PCDH9: variants seen among roughly 807,000 people sequenced by gnomAD.
PCDH9 encodes the protein protocadherin 9.
PCDH9 carries 24 observed loss-of-function variants against 70.6 expected under a neutral mutation model. That is an observed-to-expected ratio of 0.34 (90% CI 0.25 to 0.48). The LOEUF is 0.48. PCDH9 is among the 20% of genes least tolerant of loss of function. The pLI is 0.99. For synonymous variants in PCDH9, 562 were observed against 558.5 expected (o/e 1.01, Z -0.09); for missense variants, 1,281 against 1,503.6 (o/e 0.85, Z 2.45).
At chr13:67,034,107 CCTGAGTAG>C (rs1482685740) in intron 2 of PCDH9, among the ~76,000 whole-genome samples, 1 of 152,092 alleles carries the variant, frequency 6.6e-6, no homozygotes, top group Non-Finnish European at 1.5e-5. Flanking sequence ...GCCTCAGCCT[CCTGAGTAG>C]CTGGGATTAC....
At chr13:66,595,010 A>G (rs1322291564) in intron 4 of PCDH9, among the ~76,000 whole-genome samples, 3 of 151,228 alleles carry the variant, frequency 2.0e-5, no homozygotes, top group African/African-American at 7.3e-5. Context: ...AAAAAAACTT[A>G]AAATCCTAAG....
At chr13:66,942,242 T>C (rs1217217468) in intron 2 of PCDH9, among the ~76,000 whole-genome samples, 2 of 151,836 alleles carry the variant, frequency 1.3e-5, no homozygotes, top group East Asian at 3.8e-4. Flanking sequence ...AGGGCATAGT[T>C]TCTTCCTCAA....
chr13:66,832,019 T>A (rs1239037218), intron 3 of PCDH9, among the ~76,000 whole-genome samples: 1 of 152,250 alleles, frequency 6.6e-6, no homozygotes, highest in Non-Finnish European at 1.5e-5. Flanking sequence ...TGTGCCTGTA[T>A]TGGGTACAGA....
At chr13:66,719,768 T>C (rs2078917187) in intron 3 of PCDH9, among the ~76,000 whole-genome samples, 1 of 152,234 alleles carries the variant, frequency 6.6e-6, no homozygotes, top group Non-Finnish European at 1.5e-5. Context: ...TTTCTTTAAA[T>C]AACTACAGTT....
At chr13:66,844,493 G>A (rs1207754318) in intron 3 of PCDH9, among the ~76,000 whole-genome samples, 2 of 151,594 alleles carry the variant, frequency 1.3e-5, no homozygotes, top group East Asian at 2.0e-4. Flanking sequence ...TGTGAGGCAG[G>A]AGAATCATTT....
chr13:66,824,104 G>C (rs954631689), intron 3 of PCDH9, among the ~76,000 whole-genome samples: 16 of 151,464 alleles, frequency 1.1e-4, no homozygotes, highest in Admixed American at 2.6e-4. Context: ...TCAATAAAGA[G>C]CATTTTAAAA....
intron 2 of PCDH9, among the ~76,000 whole-genome samples, chr13:66,977,843 C>T (rs752091399): frequency 1.3e-5 from 2 of 152,084 alleles, no homozygotes; most frequent in African/African-American, 2.4e-5. Flanking sequence ...AGTGGAAATG[C>T]TCTATCCCAC....
chr13:66,699,573 C>T (rs1176700031), intron 3 of PCDH9, among the ~76,000 whole-genome samples: 6 of 152,020 alleles, frequency 3.9e-5, no homozygotes, highest in Admixed American at 3.9e-4. Context: ...TAGAGTGATG[C>T]CACCACAATC....
chr13:66,333,110 T>G (rs763330696), intron 4 of PCDH9, among the ~76,000 whole-genome samples: 62 of 152,242 alleles, frequency 4.1e-4, no homozygotes, highest in Non-Finnish European at 5.3e-4. Flanking sequence ...AAGGAAGACT[T>G]TCTTACTAGC....
In PCDH9 at chr13:66,700,829, TC is replaced by T. The variant is rs569429017; in HGVS notation, c.3139-69419del. Among the ~76,000 whole-genome samples the T allele has an allele frequency of 3.4e-3, 504 of 150,272 alleles. 1 individual carries two copies. Among genetic ancestry groups the T allele is most frequent in the African/African-American group, 0.011 (460 of 40,970 alleles). On this transcript the variant is annotated intron_variant, in intron 3 of 4. Transcript: ENST00000377865. ...GTAAAATGAAAATAATTCTCATACA[TC>T]TAGAAGCTATTTTCTTTCCTTTTAT... is the stretch of plus-strand genomic sequence containing the variant.
chr13:66,663,636 A>G (rs1424197632), intron 3 of PCDH9, among the ~76,000 whole-genome samples: 1 of 152,234 alleles, frequency 6.6e-6, no homozygotes, highest in Non-Finnish European at 1.5e-5. Context: ...TTACTACTGT[A>G]TCTCCTGACA....
At chr13:66,336,689 T>A (rs1006842377) in intron 4 of PCDH9, among the ~76,000 whole-genome samples, 1 of 152,040 alleles carries the variant, frequency 6.6e-6, no homozygotes, top group South Asian at 2.1e-4. Context: ...AATTCATAGT[T>A]TTCTAGGTTT....
intron 4 of PCDH9, among the ~76,000 whole-genome samples, chr13:66,575,515 A>T (rs2076802347): frequency 6.6e-6 from 1 of 152,122 alleles, no homozygotes; most frequent in Non-Finnish European, 1.5e-5. Flanking sequence ...ATGGCCCTGT[A>T]AGATCACCCC....
chr13:67,207,855 T>A (rs1048752497), intron 2 of PCDH9: 3 of 152,338 alleles, frequency 2.0e-5, no homozygotes, highest in African/African-American at 4.8e-5. Context: ...CTTTTTATTA[T>A]TAGCTTTTTC....
chr13:66,644,561 T>C (rs1046734695), intron 3 of PCDH9, among the ~76,000 whole-genome samples: 1 of 151,964 alleles, frequency 6.6e-6, no homozygotes, highest in Non-Finnish European at 1.5e-5. Flanking sequence ...GAATCTTACT[T>C]CTATTGAGCT....
At chr13:66,829,179 G>A (rs923698759) in intron 3 of PCDH9, among the ~76,000 whole-genome samples, 4 of 151,932 alleles carry the variant, frequency 2.6e-5, no homozygotes, top group Non-Finnish European at 4.4e-5. Context: ...CACCATGCCC[G>A]GCTAGTACTG....
At chr13:66,802,825 A>C (rs1303145005) in intron 3 of PCDH9, among the ~76,000 whole-genome samples, 1 of 152,068 alleles carries the variant, frequency 6.6e-6, no homozygotes, top group African/African-American at 2.4e-5. Flanking sequence ...TCAGAGCAAG[A>C]GGTGTTTTGC....
At chr13:66,896,869 T>A (rs1055985326) in intron 3 of PCDH9, among the ~76,000 whole-genome samples, 1 of 152,228 alleles carries the variant, frequency 6.6e-6, no homozygotes, top group African/African-American at 2.4e-5. Flanking sequence ...ACACCTGGCC[T>A]TCACGCAGGC....
At chr13:67,079,232 T>C (rs965015610) in intron 2 of PCDH9, among the ~76,000 whole-genome samples, 2 of 151,988 alleles carry the variant, frequency 1.3e-5, no homozygotes, top group Non-Finnish European at 2.9e-5. Context: ...AAGCATGGCA[T>C]TCAGGATACA....
Sources: gnomAD v4.1 joint callset for allele counts (sites outside exome capture counted in the v4.1 genomes callset) on GRCh38, gnomAD v4.1.1 for gene constraint, MANE v1.5 for transcripts, NCBI Gene and HGNC (gene_info 2026-07-23, HGNC 2026-07-21) for gene names.